BRDT: variants seen among roughly 807,000 people sequenced by gnomAD.
BRDT encodes bromodomain testis associated.
A neutral mutation model predicts 113.9 loss-of-function variants in BRDT; 77 were observed. The ratio of observed to expected loss-of-function variants is 0.68; its 90% CI spans 0.56 to 0.82. BRDT has a LOEUF of 0.82. Ranked by LOEUF, BRDT falls within the 40% of genes least tolerant of loss-of-function variation. The probability of loss-of-function intolerance (pLI) is 0.00; values close to 1 mark genes in which losing one functional copy is unlikely to be tolerated. For missense variants in BRDT, 1,027 were observed against 1,105.4 expected (o/e 0.93, Z 1.01); for synonymous variants, 358 against 366.5 (o/e 0.98, Z 0.26).
chr1:92,010,606 A>T (rs199539129), intron 18 of BRDT, among the ~76,000 whole-genome samples: 37 of 152,134 alleles, frequency 2.4e-4, no homozygotes, highest in Middle Eastern at 6.8e-3. Flanking sequence ...TAATTTTTTT[A>T]AAATTATTTT....
At chr1:91,970,606 T>C (rs1349575068) in intron 4 of BRDT, among the ~76,000 whole-genome samples, 1 of 152,186 alleles carries the variant, frequency 6.6e-6, no homozygotes, top group African/African-American at 2.4e-5. Context: ...CTAGTACATT[T>C]TGCATTGCTA....
chr1:91,949,947 A>C (rs907295915), intron 1 of BRDT: 13 of 152,190 alleles, frequency 8.5e-5, no homozygotes, highest in Admixed American at 8.5e-4. Flanking sequence ...AATTTTGGAA[A>C]TGCAGGAGAA....
At position 91,976,362 on chromosome 1, in the gene BRDT, T is replaced by C. The variant is rs758746905; in HGVS notation, c.542T>C (p.Phe181Ser). 6.2e-7 allele frequency: 1 copy of C among 1,612,760 alleles called. No homozygotes were observed. The highest frequency in any genetic ancestry group is 2.2e-5 in the East Asian group (1 of 44,770). ...VFKQQEIPSV[F>S]PKTSISPLNV... The stretch of plus-strand genomic sequence containing the variant: ...AAGCAGCAAGAAATTCCTTCTGTAT[T>C]TCCTAAGACATCTATTTCTCCCTTG... Residue 181 changes from phenylalanine (F) to serine (S), a missense_variant, in exon 5 of 19, where the codon TTT becomes TCT. Phe to Ser is a radical substitution (Grantham distance 155, BLOSUM62 -2). Coordinates refer to ENST00000399546, the MANE Select transcript of BRDT (RefSeq NM_207189.4).
intron 1 of BRDT, among the ~76,000 whole-genome samples, chr1:91,954,707 G>C (rs529671490): frequency 6.6e-6 from 1 of 152,314 alleles, no homozygotes; most frequent in Admixed American, 6.5e-5. Flanking sequence ...TGTAATCCCA[G>C]CACTTTGGGA....
intron 12 of BRDT, among the ~76,000 whole-genome samples, chr1:91,982,383 G>A (rs1013291939): frequency 2.0e-5 from 3 of 152,080 alleles, no homozygotes; most frequent in African/African-American, 7.2e-5. Context: ...GGTCATTTAT[G>A]TTTTCTTTGT....
At chr1:91,955,596 G>T (rs1681662996) in intron 1 of BRDT, among the ~76,000 whole-genome samples, 1 of 152,180 alleles carries the variant, frequency 6.6e-6, no homozygotes, top group Non-Finnish European at 1.5e-5. Flanking sequence ...CAGCTGTCTA[G>T]CATAGAAATT....
chr1:92,013,311 G>T (rs1169017858), intron 18 of BRDT, among the ~76,000 whole-genome samples: 1 of 151,844 alleles, frequency 6.6e-6, no homozygotes, highest in Non-Finnish European at 1.5e-5. Context: ...AAATTTATAT[G>T]GTTTGTAAGA....
At chr1:91,952,469 AAG>A (rs1233603200) in intron 1 of BRDT, among the ~76,000 whole-genome samples, 3 of 152,120 alleles carry the variant, frequency 2.0e-5, no homozygotes, top group African/African-American at 7.2e-5. Flanking sequence ...CCGCTTCAGT[AAG>A]AGAAGAAAGG....
intron 13 of BRDT, among the ~76,000 whole-genome samples, chr1:91,991,685 T>C (rs1285953323): frequency 1.3e-5 from 2 of 152,154 alleles, no homozygotes; most frequent in Non-Finnish European, 2.9e-5. Flanking sequence ...GACTAGTAGT[T>C]GATGTGCTTT....
intron 1 of BRDT, among the ~76,000 whole-genome samples, chr1:91,951,617 C>A (rs1008020003): frequency 1.3e-5 from 2 of 151,276 alleles, no homozygotes; most frequent in South Asian, 4.2e-4. Flanking sequence ...ACTAAAAATA[C>A]AAAAAAATTA....
chr1:91,977,832 T>C (rs1472795681), intron 6 of BRDT, among the ~76,000 whole-genome samples: 5 of 152,056 alleles, frequency 3.3e-5, no homozygotes, highest in Non-Finnish European at 5.9e-5. Flanking sequence ...GATCATCCAC[T>C]GCACTCCAGG....
intron 3 of BRDT, among the ~76,000 whole-genome samples, chr1:91,965,441 A>G (rs1050258113): frequency 6.6e-6 from 1 of 152,214 alleles, no homozygotes; most frequent in Non-Finnish European, 1.5e-5. Flanking sequence ...GAGATAAAGG[A>G]AAAGCCTTAG....
Position 91,977,412 on chromosome 1 carries a change from G to T in BRDT, c.969+19G>T. ...TATTAAGGTAAATGTTGCCTTAAAA[G>T]GAAGAACTTCTTTTTCTTGATTATA... On this transcript the variant is annotated intron_variant, in intron 6 of 18. Coordinates refer to ENST00000399546, the MANE Select transcript of BRDT (RefSeq NM_207189.4). 1.4e-6 allele frequency: 2 copies of T among 1,446,832 alleles called. No individual in the cohort carries two copies. The highest frequency in any genetic ancestry group is 9.2e-7 in the Non-Finnish European group (1 of 1,084,746). The allele number at this position is 1,446,832 out of a possible 1,614,324, so 89.6% of individuals were successfully genotyped here. A position where few individuals can be genotyped will look rare whatever the true frequency, so the allele number is the denominator to read the frequency against.
chr1:91,968,911 A>T (rs1164652423), intron 4 of BRDT, among the ~76,000 whole-genome samples: 1 of 147,698 alleles, frequency 6.8e-6, no homozygotes, highest in Non-Finnish European at 1.5e-5. Context: ...TATCAGGAAA[A>T]TTATTTATTT....
chr1:91,978,033 A>G (rs2101656005), intron 6 of BRDT, 135 bp from the exon 7 acceptor site: 1 of 894,066 alleles, frequency 1.1e-6, no homozygotes, highest in Non-Finnish European at 1.6e-6. Context: ...AAATTTTAAC[A>G]TTTGTCAAAT....
At chr1:91,986,880 A>T (rs12144632) in intron 12 of BRDT, among the ~76,000 whole-genome samples, 5 of 151,826 alleles carry the variant, frequency 3.3e-5, no homozygotes, top group Non-Finnish European at 7.4e-5. Context: ...TTTGCCATTC[A>T]AACTAGAAAG....
At chr1:91,964,386 G>T (rs1319154938) in intron 2 of BRDT, among the ~76,000 whole-genome samples, 1 of 152,088 alleles carries the variant, frequency 6.6e-6, no homozygotes, top group East Asian at 1.9e-4. Flanking sequence ...TATTAGAGAT[G>T]GGTTTTGCCA....
At chr1:91,961,619 ACT>A (rs1375807215) in intron 1 of BRDT, among the ~76,000 whole-genome samples, 2 of 147,558 alleles carry the variant, frequency 1.4e-5, no homozygotes, top group African/African-American at 4.9e-5. Context: ...ACAGAATGAG[ACT>A]CCATCTCAGA....
intron 3 of BRDT, among the ~76,000 whole-genome samples, chr1:91,967,494 G>A (rs891003203): frequency 5.3e-5 from 8 of 152,074 alleles, no homozygotes; most frequent in South Asian, 2.1e-4. Flanking sequence ...TGCCTCCCGG[G>A]TTCAAGCAAT....
Sources: allele counts gnomAD v4.1 joint callset (sites outside exome capture counted in the v4.1 genomes callset), GRCh38; gene constraint gnomAD v4.1.1; transcripts MANE v1.5; gene names NCBI Gene and HGNC (gene_info 2026-07-23, HGNC 2026-07-21).